ERG: variants seen among roughly 807,000 people sequenced by gnomAD.
ERG encodes the protein transcriptional regulator ERG.
A neutral mutation model predicts 55.3 loss-of-function variants in ERG; 9 were observed. That is an observed-to-expected ratio of 0.16 (90% CI 0.10 to 0.28). ERG has a LOEUF of 0.28. Ranked by LOEUF, ERG falls within the 10% of genes least tolerant of loss-of-function variation. The pLI, the probability that ERG is intolerant of heterozygous loss-of-function variation, is 1.00. For missense variants in ERG, 434 were observed against 631.6 expected, an observed-to-expected ratio of 0.69 and a Z score of 3.35; for synonymous variants, 223 against 237.3, an observed-to-expected ratio of 0.94 and a Z score of 0.55.
chr21:38,648,115 T>C (rs1428580217), intron 1 of ERG, among the ~76,000 whole-genome samples: 1 of 152,232 alleles, frequency 6.6e-6, no homozygotes. Flanking sequence ...ATATGTAATA[T>C]GCAATTCTTT....
chr21:38,645,290 C>A (rs908331432), intron 1 of ERG, among the ~76,000 whole-genome samples: 4 of 152,152 alleles, frequency 2.6e-5, no homozygotes, highest in African/African-American at 9.7e-5. Flanking sequence ...GCAAGAAAAA[C>A]CTAAGTGTGA....
intron 1 of ERG, among the ~76,000 whole-genome samples, chr21:38,581,419 T>C (rs1446192042): frequency 6.6e-6 from 1 of 152,232 alleles, no homozygotes. Flanking sequence ...GTTTCTGGCA[T>C]GGAGCTCCTA....
intron 2 of ERG, among the ~76,000 whole-genome samples, chr21:38,537,196 A>C (rs1196009041): frequency 6.6e-6 from 1 of 152,170 alleles, no homozygotes; most frequent in Non-Finnish European, 1.5e-5. Context: ...AAACTCTAAA[A>C]TTCTTATGAG....
Position 38,648,313 on chromosome 21 carries a change from G to A in ERG, c.-150+13345C>T, listed in dbSNP as rs145987019. ...AGTAGCCTGTATTTCAAATGGGGCC[G>A]CGATGCTACCGCATGTTGTCCTGAC... On this transcript the variant is annotated intron_variant, in intron 1 of 10. Coordinates refer to the ERG transcript ENST00000398910. Among the ~76,000 whole-genome samples, 5 of 152,280 alleles carry A rather than the reference G, an allele frequency of 3.3e-5. No homozygotes were observed. The East Asian group carries it at 9.6e-4, about 29-fold the overall frequency.
chr21:38,632,954 C>T (rs2060366031), intron 1 of ERG, among the ~76,000 whole-genome samples: 1 of 152,120 alleles, frequency 6.6e-6, no homozygotes. Context: ...GGACTAATCA[C>T]AATAGCCAAG....
intron 2 of ERG, among the ~76,000 whole-genome samples, chr21:38,539,144 T>G (rs915084732): frequency 2.0e-5 from 3 of 152,242 alleles, no homozygotes; most frequent in Admixed American, 2.0e-4. Context: ...TGTTTATCAT[T>G]CTTCACCTAT....
intron 2 of ERG, among the ~76,000 whole-genome samples, chr21:38,551,376 T>C (rs1443872384): frequency 6.6e-6 from 1 of 152,200 alleles, no homozygotes; most frequent in East Asian, 1.9e-4. Context: ...GGTTATTTCT[T>C]TTCTTCTGCT....
intron 6 of ERG, among the ~76,000 whole-genome samples, chr21:38,396,295 G>A (rs369387806): frequency 1.3e-5 from 2 of 152,162 alleles, no homozygotes; most frequent in African/African-American, 4.8e-5. Context: ...TTCCCTTCTT[G>A]CCTAGGTTTG....
At chr21:38,520,387 T>C (rs1408602893) in intron 2 of ERG, among the ~76,000 whole-genome samples, 2 of 152,152 alleles carry the variant, frequency 1.3e-5, no homozygotes, top group African/African-American at 4.8e-5. Flanking sequence ...AAATATCCTT[T>C]TTGATTTTGA....
intron 1 of ERG, among the ~76,000 whole-genome samples, chr21:38,593,731 T>C (rs1265990620): frequency 6.6e-6 from 1 of 152,132 alleles, no homozygotes; most frequent in Non-Finnish European, 1.5e-5. Flanking sequence ...ATATTTTAGA[T>C]AAAGCAAAAC....
chr21:38,552,303 G>A lies in ERG; in HGVS notation c.-41+23359C>T, dbSNP rs567186456. On this transcript the variant is annotated intron_variant, in intron 2 of 8. Transcript: ENST00000398897. ...TACTGAAACTATTACAAAAGATTTA[G>A]GAGGAAAGACTCCTCCTTAACCTCA... Among the ~76,000 whole-genome samples, 6 of 152,120 alleles carry A rather than the reference G, an allele frequency of 3.9e-5. No individual in the cohort carries two copies. The East Asian group carries it at 1.2e-3, about 29-fold the overall frequency.
At chr21:38,588,924 T>C (rs1286524950), upstream of ERG, among the ~76,000 whole-genome samples, 6 of 152,058 alleles carry the variant, frequency 3.9e-5, no homozygotes, top group Admixed American at 3.9e-4. Flanking sequence ...AGACATGAGA[T>C]CTCACTATTT....
chr21:38,495,087 C>T (rs114200084), intron 1 of ERG, among the ~76,000 whole-genome samples: 256 of 152,288 alleles, frequency 1.7e-3, no homozygotes, highest in African/African-American at 6.0e-3. Flanking sequence ...TTTCACTTAG[C>T]CAACAGGTTG....
At chr21:38,424,254 C>T (rs1242195186) in intron 2 of ERG, among the ~76,000 whole-genome samples, 1 of 150,442 alleles carries the variant, frequency 6.6e-6, no homozygotes. Flanking sequence ...AAGAAGGTGG[C>T]CAGGCCATCT....
chr21:38,412,747 AT>A (rs1403667791), intron 3 of ERG, among the ~76,000 whole-genome samples: 1 of 152,178 alleles, frequency 6.6e-6, no homozygotes, highest in Non-Finnish European at 1.5e-5. Context: ...TACTTTAATT[AT>A]TTAACCTTCT....
At chr21:38,379,096 T>C (rs1987318401), downstream of ERG, among the ~76,000 whole-genome samples, 1 of 152,196 alleles carries the variant, frequency 6.6e-6, no homozygotes, top group Admixed American at 6.5e-5. Flanking sequence ...CCCAGATGTT[T>C]TGGGGAGGAC....
chr21:38,584,572 G>C lies in ERG; in HGVS notation c.-127+272C>G, dbSNP rs188358773. Among the ~76,000 whole-genome samples the C allele has an allele frequency of 2.0e-3, 298 of 152,288 alleles. 3 individuals are homozygous for C. Among genetic ancestry groups the C allele is most frequent in the African/African-American group, 6.7e-3 (277 of 41,558 alleles). On this transcript the variant is annotated intron_variant, in intron 1 of 8. Transcript: ENST00000398897. ...GAAAAGAGGGGCTGTGAAGACTATA[G>C]AACTGAGAAGGCAGTAATTCTAAAA...
chr21:38,552,986 A>AC (rs56264232), intron 2 of ERG, among the ~76,000 whole-genome samples: 82,250 of 151,950 alleles, frequency 0.54, 23,073 homozygotes, highest in Non-Finnish European at 0.62. Context: ...AAACAATTTC[A>AC]CAACGTTTTA....
intron 1 of ERG, among the ~76,000 whole-genome samples, chr21:38,493,271 G>A (rs1156776623): frequency 6.6e-6 from 1 of 152,142 alleles, no homozygotes; most frequent in Non-Finnish European, 1.5e-5. Context: ...TTATAAAATG[G>A]TAATACATAT....
Sources: allele counts gnomAD v4.1 joint callset (sites outside exome capture counted in the v4.1 genomes callset), GRCh38; gene constraint gnomAD v4.1.1; transcripts MANE v1.5; gene names NCBI Gene and HGNC (gene_info 2026-07-23, HGNC 2026-07-21).